SPHKAP: variants seen among roughly 807,000 people sequenced by gnomAD.
The protein encoded by SPHKAP is A-kinase anchor protein SPHKAP.
In SPHKAP, 67 loss-of-function variants were observed where a neutral mutation model predicts 137.5. The ratio of observed to expected loss-of-function variants is 0.49; its 90% CI spans 0.40 to 0.60. The LOEUF (loss-of-function observed/expected upper bound fraction) is 0.60. SPHKAP is among the 20% of genes least tolerant of loss of function. The pLI is 0.00. For synonymous variants in SPHKAP, 813 were observed against 785.3 expected (o/e 1.04, Z -0.59); for missense variants, 2,097 against 2,069.3 (o/e 1.01, Z -0.26).
At chr2:227,984,713 G>A (rs1484558515) in intron 11 of SPHKAP, among the ~76,000 whole-genome samples, 4 of 152,124 alleles carry the variant, frequency 2.6e-5, no homozygotes, top group African/African-American at 4.8e-5. Context: ...AGCTCTTACT[G>A]GAAATCTAGA....
chr2:228,084,178 T>C lies in SPHKAP; in HGVS notation c.246+24654A>G, dbSNP rs140006057. ...ATGCAATGGTGTTTAAAAAACCTTCTGTCATCTGCCTCTCAAAGGAATGAC... is the reference window on the plus strand; with the variant it reads ...ATGCAATGGTGTTTAAAAAACCTTCCGTCATCTGCCTCTCAAAGGAATGAC... On this transcript the variant is annotated intron_variant, in intron 3 of 11. Coordinates refer to ENST00000392056, the MANE Select transcript of SPHKAP (RefSeq NM_001142644.2). 4.0e-3 allele frequency among the ~76,000 whole-genome samples: 615 copies of C among 152,206 alleles called. 6 individuals are homozygous for C. The highest frequency in any genetic ancestry group is 0.014 in the African/African-American group (585 of 41,520).
chr2:228,016,796 G>T lies in SPHKAP; in HGVS notation c.4058C>A (p.Ala1353Glu), dbSNP rs754044724. 1 of 1,613,968 alleles carries T rather than the reference G, an allele frequency of 6.2e-7. No homozygotes were observed. Among genetic ancestry groups the T allele is most frequent in the Non-Finnish European group, 8.5e-7 (1 of 1,179,986 alleles). ...AGTTGGCCCACTGCACATCCTGCTC[G>T]CAGCTAATCTATTTGCACACTTCTC... ...QAEKCANRLAASRMCSGPTLL... is the reference protein window; with the variant it reads ...QAEKCANRLAESRMCSGPTLL... Residue 1353 changes from alanine to glutamate, a missense_variant, in exon 7 of 12, where the codon GCG becomes GAG. Ala to Glu is a moderately radical substitution (Grantham distance 107). Transcript: ENST00000392056.
intron 5 of SPHKAP, among the ~76,000 whole-genome samples, chr2:228,024,935 T>A (rs1375406194): frequency 6.6e-6 from 1 of 152,138 alleles, no homozygotes. Context: ...CCCAAGACAC[T>A]CTCTTTCCAT....
intron 1 of SPHKAP, among the ~76,000 whole-genome samples, chr2:228,140,844 C>T (rs973560024): frequency 2.0e-5 from 3 of 152,060 alleles, no homozygotes; most frequent in Non-Finnish European, 4.4e-5. Flanking sequence ...GTGACATGCC[C>T]ACTCCCCCTT....
intron 1 of SPHKAP, among the ~76,000 whole-genome samples, chr2:228,173,548 T>A (rs1397859524): frequency 6.6e-6 from 1 of 152,148 alleles, no homozygotes; most frequent in Non-Finnish European, 1.5e-5. Context: ...AGAAAAGGAC[T>A]CAACCCTCCA....
rs769512580 is a variant in SPHKAP at position 227,991,322 on chromosome 2, A to G, written c.4726T>C (p.Leu1576=). The change falls in exon 10 of 12, where the codon TTA becomes CTA. Residue 1576 remains leucine (L), a synonymous_variant. Coordinates refer to ENST00000392056, the MANE Select transcript of SPHKAP (RefSeq NM_001142644.2). ...TTAAGAATCTTCTTTTCTTCTACTA[A>G]TTCACTTTGGGAGAAAACAACAGTA... ...SMPSSPMINE[L]VEEKKILKGQ... is the part of the protein sequence containing the mutation. The G allele has an allele frequency of 2.5e-6, 4 of 1,614,208 alleles. No individual in the cohort carries two copies. The South Asian group carries it at 4.4e-5, about 18-fold the overall frequency.
intron 11 of SPHKAP, among the ~76,000 whole-genome samples, chr2:227,984,113 A>G (rs564092142): frequency 6.6e-6 from 1 of 152,202 alleles, no homozygotes; most frequent in South Asian, 2.1e-4. Context: ...AGCCTGACCA[A>G]TGTGGTGAAA....
At chr2:228,102,066 T>G (rs1169896183) in intron 3 of SPHKAP, among the ~76,000 whole-genome samples, 5 of 152,350 alleles carry the variant, frequency 3.3e-5, no homozygotes, top group Non-Finnish European at 7.4e-5. Context: ...ATAATAGTTA[T>G]AGTTGCATCT....
chr2:228,146,534 C>G (rs575682179), intron 1 of SPHKAP, among the ~76,000 whole-genome samples: 2 of 152,276 alleles, frequency 1.3e-5, no homozygotes, highest in African/African-American at 2.4e-5. Context: ...TTAAGCCCAG[C>G]ACCCAATAGT....
chr2:228,061,377 C>T (rs1390412582), intron 3 of SPHKAP, among the ~76,000 whole-genome samples: 1 of 152,054 alleles, frequency 6.6e-6, no homozygotes, highest in Admixed American at 6.6e-5. Context: ...GATTCTCCTG[C>T]CTTAGCCTCC....
intron 11 of SPHKAP, among the ~76,000 whole-genome samples, chr2:227,986,675 T>C (rs1693224776): frequency 6.6e-6 from 1 of 152,222 alleles, no homozygotes; most frequent in African/African-American, 2.4e-5. Context: ...GGCACTCCTC[T>C]TCTGACGCCC....
intron 1 of SPHKAP, among the ~76,000 whole-genome samples, chr2:228,167,347 C>T (rs367703782): frequency 3.3e-4 from 50 of 152,198 alleles, no homozygotes; most frequent in African/African-American, 1.2e-3. Context: ...TAACAGAATG[C>T]CAGATCAGAT....
intron 1 of SPHKAP, among the ~76,000 whole-genome samples, chr2:228,180,650 A>G (rs917773311): frequency 1.3e-5 from 2 of 152,200 alleles, no homozygotes; most frequent in South Asian, 4.1e-4. Context: ...TGGGAGCAAC[A>G]GCATCCTTGG....
At chr2:227,993,151 A>C (rs1693480472) in intron 9 of SPHKAP, among the ~76,000 whole-genome samples, 1 of 152,204 alleles carries the variant, frequency 6.6e-6, no homozygotes, top group South Asian at 2.1e-4. Context: ...CATGTAAAGG[A>C]AAAGCCATTC....
intron 1 of SPHKAP, among the ~76,000 whole-genome samples, chr2:228,156,564 A>G (rs1201545741): frequency 6.6e-6 from 1 of 152,190 alleles, no homozygotes. Flanking sequence ...CAATTGTAAA[A>G]CCAAGTAGAA....
intron 3 of SPHKAP, among the ~76,000 whole-genome samples, chr2:228,082,842 T>G (rs1291384702): frequency 1.3e-5 from 2 of 152,202 alleles, no homozygotes; most frequent in Non-Finnish European, 2.9e-5. Context: ...TTAGGAGAGA[T>G]TCTGGCAGAC....
intron 3 of SPHKAP, among the ~76,000 whole-genome samples, chr2:228,070,434 C>T (rs1385024947): frequency 6.6e-6 from 1 of 151,794 alleles, no homozygotes; most frequent in Non-Finnish European, 1.5e-5. Flanking sequence ...TCTGTCTGAC[C>T]TATTCACTTT....
chr2:228,165,481 T>G (rs13409651), intron 1 of SPHKAP, among the ~76,000 whole-genome samples: 20,524 of 152,188 alleles, frequency 0.13, 1,391 homozygotes, highest in East Asian at 0.2. Flanking sequence ...AATAATAATT[T>G]TAAGGTATTT....
intron 2 of SPHKAP, among the ~76,000 whole-genome samples, chr2:228,123,694 T>C (rs1381479111): frequency 2.0e-5 from 3 of 152,194 alleles, no homozygotes; most frequent in African/African-American, 7.2e-5. Context: ...GCCTGTTCAC[T>C]CTGATGGTAG....
Sources: gnomAD v4.1 joint callset for allele counts (sites outside exome capture counted in the v4.1 genomes callset) on GRCh38, gnomAD v4.1.1 for gene constraint, MANE v1.5 for transcripts, NCBI Gene and HGNC (gene_info 2026-07-23, HGNC 2026-07-21) for gene names.